SBF2: variants seen among roughly 807,000 people sequenced by gnomAD.
The protein encoded by SBF2 is myotubularin-related protein 13.
A neutral mutation model predicts 225.2 loss-of-function variants in SBF2; 112 were observed. The observed-to-expected ratio is 0.50, with a 90% CI of 0.43 to 0.58. SBF2 has a LOEUF of 0.58. SBF2 is among the 20% of genes least tolerant of loss of function. The pLI is 0.00. For missense variants in SBF2, 1,996 were observed against 2,206.2 expected (o/e 0.90, Z 1.91); for synonymous variants, 763 against 773.3 (o/e 0.99, Z 0.22).
chr11:9,884,216 G>T (rs1216165950), intron 17 of SBF2, among the ~76,000 whole-genome samples: 1 of 152,166 alleles, frequency 6.6e-6, no homozygotes, highest in Non-Finnish European at 1.5e-5. Flanking sequence ...TCTGAAATCA[G>T]GAGACCTGGG....
rs1292916768 is a variant in SBF2, at chr11:9,778,709, T to C, written c.*1709A>G. On this transcript the variant is annotated 3_prime_UTR_variant, in exon 40 of 40. Transcript: ENST00000256190. ...TTATTCTTGAACCTTTAGTCCCATG[T>C]ATGAATCCTGAGTGTTACCCTCCTG... is the stretch of plus-strand genomic sequence containing the variant. The C allele has an allele frequency of 1.3e-5, 2 of 152,666 alleles. No individual in the cohort carries two copies. The highest frequency in any genetic ancestry group is 2.9e-5 in the Non-Finnish European group (2 of 68,046). 9.5% of individuals were successfully genotyped at this position (152,666 alleles called of 1,614,324 possible). A position where few individuals can be genotyped will look rare whatever the true frequency, so the allele number is the denominator to read the frequency against.
At chr11:10,267,700 C>T (rs1405502397) in intron 1 of SBF2, among the ~76,000 whole-genome samples, 4 of 152,052 alleles carry the variant, frequency 2.6e-5, no homozygotes, top group Non-Finnish European at 5.9e-5. Flanking sequence ...GATGGCTATA[C>T]AAACCCGAAA....
chr11:10,192,026 G>A (rs1437262691), intron 2 of SBF2, among the ~76,000 whole-genome samples: 1 of 152,104 alleles, frequency 6.6e-6, no homozygotes, highest in Non-Finnish European at 1.5e-5. Context: ...ACTTTGATGT[G>A]AATGGAGGTA....
chr11:10,008,410 C>G (rs999484644), intron 6 of SBF2, among the ~76,000 whole-genome samples: 3 of 152,160 alleles, frequency 2.0e-5, no homozygotes, highest in Non-Finnish European at 4.4e-5. Flanking sequence ...CACTGGGCCC[C>G]AATACCCCTA....
intron 16 of SBF2, among the ~76,000 whole-genome samples, chr11:9,928,066 A>G (rs1363844615): frequency 6.6e-6 from 1 of 152,210 alleles, no homozygotes; most frequent in Non-Finnish European, 1.5e-5. Context: ...CTTCTTAGAT[A>G]TGATACCAAG....
chr11:9,841,980 G>A (rs1236365512), intron 25 of SBF2, among the ~76,000 whole-genome samples: 1 of 151,740 alleles, frequency 6.6e-6, no homozygotes, highest in Non-Finnish European at 1.5e-5. Context: ...ATCCTGAGGG[G>A]AAAAAAAGGG....
chr11:10,252,384 T>C (rs539297618), intron 1 of SBF2, among the ~76,000 whole-genome samples: 1 of 152,338 alleles, frequency 6.6e-6, no homozygotes, highest in South Asian at 2.1e-4. Flanking sequence ...CCTAGCTTAA[T>C]ATGCAGACAA....
intron 6 of SBF2, among the ~76,000 whole-genome samples, chr11:10,013,041 C>T (rs771722001): frequency 8.5e-5 from 13 of 152,064 alleles, no homozygotes; most frequent in Non-Finnish European, 1.8e-4. Flanking sequence ...CATAGTTTAG[C>T]CAGATTTTAA....
intron 29 of SBF2, 103 bp from the exon 30 acceptor site, chr11:9,812,811 A>T: frequency 1.7e-6 from 2 of 1,167,298 alleles, no homozygotes; most frequent in Non-Finnish European, 2.5e-6. Context: ...TTGGGGCCAA[A>T]TAGCTGCAGA....
At chr11:9,879,726 T>C (rs1404390727) in intron 17 of SBF2, among the ~76,000 whole-genome samples, 3 of 152,240 alleles carry the variant, frequency 2.0e-5, no homozygotes. Flanking sequence ...AATAATTTCA[T>C]CTTTAGTTAT....
chr11:9,786,225 G>A (rs1287327424), intron 36 of SBF2, among the ~76,000 whole-genome samples: 1 of 152,140 alleles, frequency 6.6e-6, no homozygotes, highest in East Asian at 1.9e-4. Flanking sequence ...GAAAAAGCAG[G>A]TTTAAAATAG....
chr11:10,275,322 A>G (rs1327181756), intron 1 of SBF2, among the ~76,000 whole-genome samples: 1 of 150,352 alleles, frequency 6.7e-6, no homozygotes, highest in Non-Finnish European at 1.5e-5. Flanking sequence ...CTATAAAAGC[A>G]CAATATGGCT....
chr11:9,781,915 G>T (rs1175936663), intron 38 of SBF2, among the ~76,000 whole-genome samples: 1 of 152,140 alleles, frequency 6.6e-6, no homozygotes, highest in Non-Finnish European at 1.5e-5. Context: ...GGGCATGGTG[G>T]TTTATGCCTG....
At chr11:10,164,293 T>A (rs78569348) in intron 2 of SBF2, among the ~76,000 whole-genome samples, 16,087 of 152,210 alleles carry the variant, frequency 0.11, 1,010 homozygotes, top group Non-Finnish European at 0.11. Context: ...ATAATTATAA[T>A]AAAATATTTT....
chr11:10,166,961 C>CCA (rs373552790), intron 2 of SBF2, among the ~76,000 whole-genome samples: 29,275 of 125,826 alleles, frequency 0.23, 3,019 homozygotes, highest in Middle Eastern at 0.36. Context: ...GACTCTGTCT[C>CCA]CACACACACA....
At chr11:10,252,913 C>A (rs1426294296) in intron 1 of SBF2, among the ~76,000 whole-genome samples, 1 of 151,878 alleles carries the variant, frequency 6.6e-6, no homozygotes, top group South Asian at 2.1e-4. Flanking sequence ...TTCTCTATGT[C>A]ATTTCCCATT....
At chr11:10,176,182 T>C (rs886653125) in intron 2 of SBF2, among the ~76,000 whole-genome samples, 66 of 143,438 alleles carry the variant, frequency 4.6e-4, no homozygotes, top group Middle Eastern at 3.5e-3. Flanking sequence ...CTGGGACACA[T>C]TCAAAGCATT....
At chr11:9,965,371 G>A (rs1024243630) in intron 14 of SBF2, among the ~76,000 whole-genome samples, 11 of 143,814 alleles carry the variant, frequency 7.6e-5, no homozygotes, top group Middle Eastern at 3.8e-3. Flanking sequence ...GCACGATCTC[G>A]GCTGCCTCCC....
chr11:10,012,012 T>G (rs73410816), intron 6 of SBF2, among the ~76,000 whole-genome samples: 4,130 of 152,286 alleles, frequency 0.027, 189 homozygotes, highest in African/African-American at 0.095. Context: ...TCTCTGAGAA[T>G]CTGTTATTTT....
Sources: gnomAD v4.1 joint callset for allele counts (sites outside exome capture counted in the v4.1 genomes callset) on GRCh38, gnomAD v4.1.1 for gene constraint, MANE v1.5 for transcripts, NCBI Gene and HGNC (gene_info 2026-07-23, HGNC 2026-07-21) for gene names.